The following G3BP2 variants were observed in gnomAD, a reference collection of about 807,000 sequenced individuals.
G3BP2 encodes G3BP stress granule assembly factor 2, also known as ras GTPase-activating protein-binding protein 2.
Under a neutral mutation model 56.7 loss-of-function variants are expected in G3BP2, and 11 were observed. The observed-to-expected ratio is 0.19, with a 90% CI of 0.12 to 0.32. The LOEUF is 0.32. G3BP2 is among the 10% of genes least tolerant of loss of function. The pLI, the probability that G3BP2 is intolerant of heterozygous loss-of-function variation, is 1.00. For missense variants in G3BP2, 340 were observed against 610.9 expected (o/e 0.56, Z 4.67); for synonymous variants, 165 against 191.6 (o/e 0.86, Z 1.15).
chr4:75,714,768 CT>C (rs1719874730), intron 3 of G3BP2, among the ~76,000 whole-genome samples: 1 of 152,088 alleles, frequency 6.6e-6, no homozygotes, highest in African/African-American at 2.4e-5. Context: ...TTTGTAGATA[CT>C]TTTTCCCCTT....
chr4:75,700,946 C>G (rs1167801568), intron 3 of G3BP2, among the ~76,000 whole-genome samples: 1 of 152,058 alleles, frequency 6.6e-6, no homozygotes, highest in Non-Finnish European at 1.5e-5. Flanking sequence ...TCAAGCGATT[C>G]TCCTGCCTCA....
intron 3 of G3BP2, 57 bp downstream of exon 3, chr4:75,658,786 T>C: frequency 9.3e-7 from 1 of 1,072,684 alleles, no homozygotes. Context: ...AAGGCTATTT[T>C]TTAAAATCTC....
At chr4:75,655,953 T>A (rs1732069783) in intron 5 of G3BP2, 83 bp from the exon 6 acceptor site, 1 of 763,382 alleles carries the variant, frequency 1.3e-6, no homozygotes, top group Non-Finnish European at 2.2e-6. Context: ...TTTAAGGAAG[T>A]GGTATGATAG....
chr4:75,653,081 G>A (rs1427028269), intron 8 of G3BP2, among the ~76,000 whole-genome samples: 1 of 149,254 alleles, frequency 6.7e-6, no homozygotes, highest in Admixed American at 6.7e-5. Context: ...GGGTAACCAC[G>A]CATTGCCTGA....
chr4:75,659,628 G>A (rs557135938), intron 2 of G3BP2, among the ~76,000 whole-genome samples: 55 of 152,244 alleles, frequency 3.6e-4, no homozygotes, highest in Middle Eastern at 3.4e-3. Context: ...ACATGTAAGA[G>A]CTTCCTTTAT....
chr4:75,673,403 C>G lies in G3BP2; in HGVS notation c.-220G>C. 2 of 1,232,336 alleles carry G rather than the reference C, an allele frequency of 1.6e-6. No individual in the cohort carries two copies. Among genetic ancestry groups the G allele is most frequent in the Non-Finnish European group, 2.0e-6 (2 of 988,080 alleles). 76.3% of individuals were successfully genotyped at this position (1,232,336 alleles called of 1,614,324 possible). A position where few individuals can be genotyped will look rare whatever the true frequency, so the allele number is the denominator to read the frequency against. On this transcript the variant is annotated 5_prime_UTR_variant, in exon 1 of 12. Transcript: ENST00000359707. ...CAGGCGCTGCGACGTGCGACAAGGA[C>G]CACGGACGTCCCGCCCCCTTTGCCA...
At chr4:75,653,913 A>G in intron 8 of G3BP2, 70 bp downstream of exon 8, 3 of 735,172 alleles carry the variant, frequency 4.1e-6, no homozygotes, top group South Asian at 3.2e-5. Flanking sequence ...CTCATTTTTA[A>G]AAGTATTTTA....
At chr4:75,671,762 G>A (rs1192525331) in intron 1 of G3BP2, among the ~76,000 whole-genome samples, 1 of 152,140 alleles carries the variant, frequency 6.6e-6, no homozygotes, top group Non-Finnish European at 1.5e-5. Flanking sequence ...TAAGAAAAAT[G>A]TTACTGCCAA....
At chr4:75,656,008 T>TTG in intron 5 of G3BP2, 138 bp from the exon 6 acceptor site, 1 of 560,944 alleles carries the variant, frequency 1.8e-6, no homozygotes, top group African/African-American at 1.9e-5. Context: ...TTTTTTTTTT[T>TTG]GAGATGGAGT....
rs553638312 is a variant in G3BP2 at position 75,664,223 on chromosome 4, TA to T, written c.-24-2175del. ...AAAGACCTATTAAACTTAAAAGTAC[TA>T]AAAAAAAAAAATCATAATTCCTAAG... is the stretch of plus-strand genomic sequence containing the variant. On this transcript the variant is annotated intron_variant, in intron 1 of 11. Coordinates refer to ENST00000359707, the MANE Select transcript of G3BP2 (RefSeq NM_203505.3). Among the ~76,000 whole-genome samples the T allele has an allele frequency of 9.5e-3, 1,374 of 144,388 alleles. 17 individuals carry two copies. Among genetic ancestry groups the T allele is most frequent in the African/African-American group, 0.031 (1,247 of 39,642 alleles). 94.7% of individuals were successfully genotyped at this position (144,388 alleles called of 152,430 possible).
intron 1 of G3BP2, among the ~76,000 whole-genome samples, chr4:75,723,362 TG>T (rs1172732339): frequency 1.3e-5 from 2 of 152,198 alleles, no homozygotes; most frequent in Non-Finnish European, 2.9e-5. Context: ...AAGGATGGAC[TG>T]GAGATTGGAC....
At position 75,655,803 on chromosome 4, in the gene G3BP2, A is replaced by G; in HGVS notation, c.510T>C (p.Asn170=). ...RQPSPEPVQE[N]ANSGYYEAHP... The stretch of plus-strand genomic sequence containing the variant: ...GAGCTTCATAGTAACCACTGTTAGC[A>G]TTTTCTTGCACAGGTTCAGGAGATG... The change falls in exon 6 of 12, where the codon AAT becomes AAC. Residue 170 remains asparagine (N), a synonymous_variant. Coordinates refer to ENST00000359707, the MANE Select transcript of G3BP2 (RefSeq NM_203505.3). 3.1e-6 allele frequency: 5 copies of G among 1,602,342 alleles called. No homozygotes were observed. The highest frequency in any genetic ancestry group is 4.3e-6 in the Non-Finnish European group (5 of 1,169,390).
chr4:75,667,890 A>G (rs1733182779), intron 1 of G3BP2, among the ~76,000 whole-genome samples: 1 of 152,198 alleles, frequency 6.6e-6, no homozygotes, highest in Non-Finnish European at 1.5e-5. Context: ...ACTCTGTCTC[A>G]AAAAACAAAA....
Position 75,673,384 on chromosome 4 carries a change from C to CTGCGACG in G3BP2, c.-208_-202dup. On this transcript the variant is annotated 5_prime_UTR_variant, in exon 1 of 12. Coordinates refer to ENST00000359707, the MANE Select transcript of G3BP2 (RefSeq NM_203505.3). ...ACCACCTCTTCCCGGGCGCCAGGCG[C>CTGCGACG]TGCGACGTGCGACAAGGACCACGGA... is the stretch of plus-strand genomic sequence containing the variant. 1.6e-6 allele frequency: 2 copies of CTGCGACG among 1,232,110 alleles called. No homozygotes were observed. The highest frequency in any genetic ancestry group is 3.2e-5 in the East Asian group (1 of 31,710). The allele number at this position is 1,232,110 out of a possible 1,614,324, so 76.3% of individuals were successfully genotyped here.
At chr4:75,658,677 A>C (rs1339250701) in intron 3 of G3BP2, among the ~76,000 whole-genome samples, 166 bp downstream of exon 3, 1 of 151,774 alleles carries the variant, frequency 6.6e-6, no homozygotes, top group Non-Finnish European at 1.5e-5. Context: ...TGGTGAGCTG[A>C]GATCGCACCA....
intron 1 of G3BP2, among the ~76,000 whole-genome samples, chr4:75,663,551 TATC>T (rs1732737378): frequency 1.3e-5 from 2 of 152,196 alleles, no homozygotes; most frequent in South Asian, 2.1e-4. Flanking sequence ...AAACAAAACT[TATC>T]ATTTACTGTA....
chr4:75,664,114 C>A (rs1359304545), intron 1 of G3BP2, among the ~76,000 whole-genome samples: 1 of 151,630 alleles, frequency 6.6e-6, no homozygotes, highest in African/African-American at 2.4e-5. Flanking sequence ...GAACTCCTGA[C>A]CTCGTGATCC....
intron 3 of G3BP2, among the ~76,000 whole-genome samples, chr4:75,696,478 G>A (rs1360133203): frequency 6.6e-6 from 1 of 152,158 alleles, no homozygotes; most frequent in Admixed American, 6.6e-5. Context: ...GTTGCCAACA[G>A]TCCTTCACCA....
At chr4:75,657,805 A>G in intron 3 of G3BP2, 75 bp from the exon 4 acceptor site, 2 of 910,614 alleles carry the variant, frequency 2.2e-6, no homozygotes, top group East Asian at 5.0e-5. Flanking sequence ...ACCTACCCTC[A>G]TTGATTTCCT....
Sources: allele counts gnomAD v4.1 joint callset (sites outside exome capture counted in the v4.1 genomes callset), GRCh38; gene constraint gnomAD v4.1.1; transcripts MANE v1.5; gene names NCBI Gene and HGNC (gene_info 2026-07-23, HGNC 2026-07-21).